The following LNX1 variants were observed in gnomAD, a reference collection of about 807,000 sequenced individuals.
LNX1 encodes the protein ligand of numb-protein X 1, also known as E3 ubiquitin-protein ligase LNX.
In LNX1, 54 loss-of-function variants were observed where a neutral mutation model predicts 68.4. That is an observed-to-expected ratio of 0.79 (90% CI 0.63 to 0.99). The LOEUF (loss-of-function observed/expected upper bound fraction) is 0.99. Among genes scored for constraint, LNX1 ranks in the 50% least tolerant of loss-of-function variants. The probability of loss-of-function intolerance (pLI) is 0.00; values close to 1 mark genes in which losing one functional copy is unlikely to be tolerated. For synonymous variants in LNX1, 336 were observed against 350.0 expected (o/e 0.96, Z 0.45); for missense variants, 906 against 926.4 (o/e 0.98, Z 0.29).
intron 5 of LNX1, among the ~76,000 whole-genome samples, chr4:53,497,260 G>C (rs1725133026): frequency 6.6e-6 from 1 of 152,216 alleles, no homozygotes; most frequent in Non-Finnish European, 1.5e-5. Flanking sequence ...CCCTATGTTG[G>C]AAGAAAACAA....
chr4:53,464,959 A>T (rs556319276), intron 9 of LNX1, among the ~76,000 whole-genome samples: 1 of 152,216 alleles, frequency 6.6e-6, no homozygotes, highest in South Asian at 2.1e-4. Flanking sequence ...CATTCTATAA[A>T]ATCTGTAAGA....
intron 2 of LNX1, among the ~76,000 whole-genome samples, chr4:53,509,830 C>T (rs1228633247): frequency 6.6e-6 from 1 of 152,188 alleles, no homozygotes; most frequent in Non-Finnish European, 1.5e-5. Context: ...ATGATGCAGA[C>T]GTCACCATCC....
rs1217284056 is a variant in LNX1, at chr4:53,498,567, C to A, written c.978+74G>T. The A allele has an allele frequency of 3.0e-6, 3 of 1,012,308 alleles. No homozygotes were observed. In the Admixed American group the frequency reaches 5.3e-5, roughly 18 times the overall value. The allele number at this position is 1,012,308 out of a possible 1,614,324, so 62.7% of individuals were successfully genotyped here. A position where few individuals can be genotyped will look rare whatever the true frequency, so the allele number is the denominator to read the frequency against. ...CCATTTCCCTCATTCATCCATCCAT[C>A]TATCCAATTGTTTGCTCAGAAGCAT... On this transcript the variant is annotated intron_variant, in intron 5 of 10. Transcript: ENST00000263925.
At position 53,520,916 on chromosome 4, in the gene LNX1, C is replaced by G. The variant is rs185948526; in HGVS notation, c.381-12689G>C. Among the ~76,000 whole-genome samples, 476 of 152,266 alleles carry G rather than the reference C, an allele frequency of 3.1e-3. 1 individual carries two copies. The highest frequency in any genetic ancestry group is 5.6e-3 in the Non-Finnish European group (380 of 68,034). On this transcript the variant is annotated intron_variant, in intron 2 of 10. Coordinates refer to ENST00000263925, the MANE Select transcript of LNX1 (RefSeq NM_001126328.3). ...GGTGGAGGCTGCAGTGAGCCAAGAT[C>G]GTACCACTGCACTCCAGCCTGGGCA...
intron 2 of LNX1, among the ~76,000 whole-genome samples, chr4:53,572,860 C>T (rs533768709): frequency 6.6e-6 from 1 of 152,278 alleles, no homozygotes; most frequent in African/African-American, 2.4e-5. Flanking sequence ...GAACAAATTG[C>T]TTGGAAGACA....
intron 6 of LNX1, among the ~76,000 whole-genome samples, chr4:53,490,848 T>C (rs1386456108): frequency 6.6e-6 from 1 of 152,234 alleles, no homozygotes; most frequent in Non-Finnish European, 1.5e-5. Flanking sequence ...AGAAACGGCA[T>C]GCGATTGCTT....
At chr4:53,529,953 G>GA (rs11451893) in intron 2 of LNX1, among the ~76,000 whole-genome samples, 107,768 of 151,982 alleles carry the variant, frequency 0.71, 40,590 homozygotes, top group Non-Finnish European at 0.82. Context: ...ACAGAGACTA[G>GA]AAAAAATGTA....
intron 2 of LNX1, among the ~76,000 whole-genome samples, chr4:53,564,323 C>T (rs755905799): frequency 6.6e-6 from 1 of 152,178 alleles, no homozygotes; most frequent in Non-Finnish European, 1.5e-5. Context: ...CAACAGCCAC[C>T]TGCTAGCCCT....
At chr4:53,618,229 G>A (rs1733748988), upstream of LNX1, among the ~76,000 whole-genome samples, 1 of 152,078 alleles carries the variant, frequency 6.6e-6, no homozygotes, top group African/African-American at 2.4e-5. Context: ...AGCTTTCACT[G>A]ATATCTAGAA....
At chr4:53,632,116 A>T (rs1166973931) in intron 1 of LNX1, among the ~76,000 whole-genome samples, 1 of 151,982 alleles carries the variant, frequency 6.6e-6, no homozygotes, top group Non-Finnish European at 1.5e-5. Flanking sequence ...CCAAGGGCAG[A>T]CCTAGGGCTG....
Position 53,573,616 on chromosome 4 carries a change from G to A in LNX1, c.380+7C>T, listed in dbSNP as rs1446517051. 2 of 1,594,422 alleles carry A rather than the reference G, an allele frequency of 1.3e-6. No homozygotes were observed. The highest frequency in any genetic ancestry group is 3.5e-5 in the Admixed American group (2 of 57,442). ...GGGACTTACCGGCTCGCTGATGGGG[G>A]ACCTACCTGGTTTGAAAGTGATGCT... is the stretch of plus-strand genomic sequence containing the variant. On this transcript the variant is annotated splice_region_variant and intron_variant, in intron 2 of 10. Transcript: ENST00000263925.
At chr4:53,515,627 T>A (rs1459416600) in intron 2 of LNX1, among the ~76,000 whole-genome samples, 2 of 152,342 alleles carry the variant, frequency 1.3e-5, no homozygotes, top group African/African-American at 4.8e-5. Context: ...AGAAGCATTA[T>A]GCATGTAATA....
chr4:53,526,789 G>A (rs1344553820), intron 2 of LNX1, among the ~76,000 whole-genome samples: 1 of 151,830 alleles, frequency 6.6e-6, no homozygotes, highest in East Asian at 1.9e-4. Context: ...GAACTTATCA[G>A]TTGTGAATTC....
intron 1 of LNX1, among the ~76,000 whole-genome samples, chr4:53,584,186 A>T (rs1732015125): frequency 6.6e-6 from 1 of 152,078 alleles, no homozygotes; most frequent in Admixed American, 6.6e-5. Context: ...CAGATAACCA[A>T]GTTTTACAGA....
At chr4:53,547,245 ATG>A (rs1400213068) in intron 2 of LNX1, among the ~76,000 whole-genome samples, 1 of 152,252 alleles carries the variant, frequency 6.6e-6, no homozygotes, top group South Asian at 2.1e-4. Context: ...ATTAAGAAGT[ATG>A]TCTTAGAATT....
rs535572516 is a variant in LNX1, at chr4:53,565,302, A to G, written c.380+8321T>C. On this transcript the variant is annotated intron_variant, in intron 2 of 10. Transcript: ENST00000263925. ...CTCCCAGTACGCAGCTGGAGATCTGAGAATGGGCAGACTCCCTCCTCAAGT... is the reference window on the plus strand; with the variant it reads ...CTCCCAGTACGCAGCTGGAGATCTGGGAATGGGCAGACTCCCTCCTCAAGT... Among the ~76,000 whole-genome samples, 1,074 of 151,124 alleles carry G rather than the reference A, an allele frequency of 7.1e-3. 12 individuals carry two copies. The highest frequency in any genetic ancestry group is 0.025 in the African/African-American group (1,000 of 40,452).
intron 1 of LNX1, among the ~76,000 whole-genome samples, chr4:53,578,220 T>C (rs1210264310): frequency 6.6e-6 from 1 of 152,140 alleles, no homozygotes; most frequent in Non-Finnish European, 1.5e-5. Flanking sequence ...AAGCTTTAAA[T>C]CTCTTCAGGC....
intron 4 of LNX1, among the ~76,000 whole-genome samples, chr4:53,506,897 C>A (rs1187643706): frequency 8.6e-6 from 1 of 116,900 alleles, no homozygotes; most frequent in East Asian, 2.4e-4. Flanking sequence ...GTAGCTACCT[C>A]ATAGGGTTGT....
intron 2 of LNX1, among the ~76,000 whole-genome samples, chr4:53,604,295 G>A (rs1310780068): frequency 1.3e-5 from 2 of 152,164 alleles, no homozygotes; most frequent in Non-Finnish European, 2.9e-5. Context: ...TCCTTAAGCT[G>A]GATAGAGAAT....
Sources: allele counts gnomAD v4.1 joint callset (sites outside exome capture counted in the v4.1 genomes callset), GRCh38; gene constraint gnomAD v4.1.1; transcripts MANE v1.5; gene names NCBI Gene and HGNC (gene_info 2026-07-23, HGNC 2026-07-21).